Variants in THOC1 observed in about 807,000 individuals in gnomAD.
THOC1 encodes THO complex subunit 1.
Under a neutral mutation model 97.3 loss-of-function variants are expected in THOC1, and 29 were observed. The ratio of observed to expected loss-of-function variants is 0.30; its 90% CI spans 0.22 to 0.41. The LOEUF (loss-of-function observed/expected upper bound fraction) is 0.41. THOC1 is among the 10% of genes least tolerant of loss of function. The pLI is 1.00. For synonymous variants in THOC1, 255 were observed against 257.0 expected (o/e 0.99, Z 0.07); for missense variants, 529 against 761.9 (o/e 0.69, Z 3.60).
chr18:221,276 T>G (rs897262117), intron 17 of THOC1, among the ~76,000 whole-genome samples: 1 of 152,174 alleles, frequency 6.6e-6, no homozygotes, highest in Non-Finnish European at 1.5e-5. Context: ...GAGAAAGGTC[T>G]GTCAAAATCC....
At chr18:249,668 G>GA (rs11399503) in intron 9 of THOC1, among the ~76,000 whole-genome samples, 27,239 of 120,956 alleles carry the variant, frequency 0.23, 2,747 homozygotes, top group South Asian at 0.44. Context: ...TCTCAAAAAA[G>GA]AAAAAAAAAA....
intron 8 of THOC1, among the ~76,000 whole-genome samples, chr18:253,820 A>G (rs538206765): frequency 1.7e-3 from 265 of 152,248 alleles, no homozygotes; most frequent in Non-Finnish European, 2.4e-3. Context: ...AATTTTTTAC[A>G]TACAAAACAT....
chr18:236,437 G>A (rs35228921), intron 11 of THOC1, among the ~76,000 whole-genome samples: 24,430 of 143,820 alleles, frequency 0.17, 2,303 homozygotes, highest in Non-Finnish European at 0.23. Context: ...CTCACTGCAA[G>A]CTCCGCCTCC....
intron 11 of THOC1, among the ~76,000 whole-genome samples, chr18:241,019 G>A (rs1425279079): frequency 6.6e-6 from 1 of 152,128 alleles, no homozygotes; most frequent in Non-Finnish European, 1.5e-5. Context: ...TCTGATAGGA[G>A]ACGGAGCTCA....
rs1194429512 is a variant in THOC1, at chr18:264,043, A to G, written c.239T>C (p.Ile80Thr). 1.2e-6 allele frequency: 2 copies of G among 1,612,194 alleles called. No individual in the cohort carries two copies. Among genetic ancestry groups the G allele is most frequent in the East Asian group, 2.2e-5 (1 of 44,814 alleles). ...ATACTTACCTTCAGTTACTCCCCCAATAGCAAGAGAAATAATAGCTAAAAC... is the reference window on the plus strand; with the variant it reads ...ATACTTACCTTCAGTTACTCCCCCAGTAGCAAGAGAAATAATAGCTAAAAC... The part of the protein sequence containing the change: ...ENVLAIISLA[I>T]GGVTEGICTA... The change falls in exon 4 of 21, where the codon ATT becomes ACT. Residue 80 changes from isoleucine (I) to threonine (T), a missense_variant. This residue lies in a region of THOC1 where 114 missense variants were observed against 97.4 expected (regional missense o/e 1.17). Coordinates refer to ENST00000261600, the MANE Select transcript of THOC1 (RefSeq NM_005131.3).
chr18:221,811 T>A (rs1358892412), intron 17 of THOC1, among the ~76,000 whole-genome samples: 1 of 152,126 alleles, frequency 6.6e-6, no homozygotes, highest in African/African-American at 2.4e-5. Context: ...GGTTTCACCG[T>A]GTTAGCCACG....
intron 6 of THOC1, 41 bp from the exon 7 acceptor site, chr18:259,316 T>C: frequency 2.0e-6 from 3 of 1,495,992 alleles, no homozygotes; most frequent in East Asian, 2.3e-5. Context: ...GAAAAGATAA[T>C]TCTATGTTTA....
At chr18:225,171 A>G (rs772412971) in intron 13 of THOC1, 32 bp from the exon 14 acceptor site, 4 of 1,553,010 alleles carry the variant, frequency 2.6e-6, no homozygotes, top group Non-Finnish European at 1.7e-6. Flanking sequence ...TAAGCTTTCA[A>G]CAACTTTCTG....
At chr18:223,622 G>T (rs1911168102) in intron 16 of THOC1, 117 bp from the exon 17 acceptor site, 2 of 754,850 alleles carry the variant, frequency 2.6e-6, no homozygotes, top group African/African-American at 3.6e-5. Context: ...TTGACAGTAT[G>T]AGTTTTACTT....
Position 216,471 on chromosome 18 carries a change from A to G in THOC1, c.1602+15T>C. ...GTCAACTAAAGGGTATGAAAAGTTGATCTATGGTACTTACCGGTAATTCCT... is the reference window on the plus strand; with the variant it reads ...GTCAACTAAAGGGTATGAAAAGTTGGTCTATGGTACTTACCGGTAATTCCT... On this transcript the variant is annotated intron_variant, in intron 19 of 20. Coordinates refer to ENST00000261600, the MANE Select transcript of THOC1 (RefSeq NM_005131.3). The G allele has an allele frequency of 8.1e-6, 13 of 1,611,530 alleles. No homozygotes were observed. Among genetic ancestry groups the G allele is most frequent in the Non-Finnish European group, 1.1e-5 (13 of 1,178,486 alleles).
intron 9 of THOC1, among the ~76,000 whole-genome samples, chr18:251,558 T>C (rs8093074): frequency 0.17 from 24,906 of 145,346 alleles, 2,445 homozygotes; most frequent in African/African-American, 0.27. Flanking sequence ...TATTGTAACG[T>C]TGATGAGAAA....
rs1034685950 is a variant in THOC1, at chr18:217,718, G to A, written c.1455-1085C>T. Among the ~76,000 whole-genome samples, 6 of 152,162 alleles carry A rather than the reference G, an allele frequency of 3.9e-5. No individual in the cohort carries two copies. In the East Asian group the frequency reaches 5.8e-4, roughly 15 times the overall value. ...GTAAGTGCCGTGAAATAAAAACCAC[G>A]AGAATGCAAAAGAGGAGACCAGGGA... On this transcript the variant is annotated intron_variant, in intron 18 of 20. Coordinates refer to ENST00000261600, the MANE Select transcript of THOC1 (RefSeq NM_005131.3).
intron 6 of THOC1, 49 bp downstream of exon 6, chr18:259,633 G>C: frequency 7.5e-7 from 1 of 1,341,712 alleles, no homozygotes. Flanking sequence ...GTGTTTTTCT[G>C]GGCATATTTA....
intron 7 of THOC1, 25 bp downstream of exon 7, chr18:259,155 A>T: frequency 6.5e-7 from 1 of 1,539,812 alleles, no homozygotes; most frequent in Non-Finnish European, 8.9e-7. Context: ...CCTGCAGAAA[A>T]CTCATTTAAT....
intron 11 of THOC1, among the ~76,000 whole-genome samples, chr18:243,069 A>G (rs1911961674): frequency 6.6e-6 from 1 of 152,248 alleles, no homozygotes; most frequent in Non-Finnish European, 1.5e-5. Flanking sequence ...AGGGGCAACA[A>G]AGGGAAATGA....
intron 11 of THOC1, among the ~76,000 whole-genome samples, chr18:241,287 G>A (rs1036168392): frequency 3.1e-4 from 47 of 152,208 alleles, no homozygotes; most frequent in Admixed American, 1.8e-3. Context: ...CACCTTAGCC[G>A]TTACTACATA....
At chr18:224,858 T>C (rs1016723299) in intron 15 of THOC1, 66 bp downstream of exon 15, 26 of 1,293,658 alleles carry the variant, frequency 2.0e-5, no homozygotes, top group Middle Eastern at 2.4e-4. Flanking sequence ...GGAGCACATT[T>C]TCAAAAGCCT....
chr18:246,262 G>C (rs1182087191), intron 11 of THOC1, 62 bp downstream of exon 11: 1 of 1,279,602 alleles, frequency 7.8e-7, no homozygotes, highest in African/African-American at 1.5e-5. Flanking sequence ...AAGGCTGTCA[G>C]CTAAACGGAA....
intron 20 of THOC1, 35 bp downstream of exon 20, chr18:215,394 A>G (rs760553549): frequency 1.3e-5 from 21 of 1,558,794 alleles, no homozygotes; most frequent in Admixed American, 5.0e-5. Flanking sequence ...ATCGTCTTCA[A>G]TTTTGTTAAA....
Sources: gnomAD v4.1 joint callset for allele counts (sites outside exome capture counted in the v4.1 genomes callset) on GRCh38, gnomAD v4.1.1 for gene constraint, gnomAD v4.1.1 regional missense constraint, MANE v1.5 for transcripts, NCBI Gene and HGNC (gene_info 2026-07-23, HGNC 2026-07-21) for gene names.